CDK13: variants seen among roughly 807,000 people sequenced by gnomAD.
CDK13 encodes the protein cyclin-dependent kinase 13.
In CDK13, 40 loss-of-function variants were observed where a neutral mutation model predicts 137.6. The observed-to-expected ratio is 0.29, with a 90% CI of 0.23 to 0.38. The LOEUF is 0.38. Among genes scored for constraint, CDK13 ranks in the 10% least tolerant of loss-of-function variants. CDK13 has a pLI of 1.00. For synonymous variants in CDK13, 869 were observed against 760.1 expected (o/e 1.14, Z -2.36); for missense variants, 1,704 against 1,951.8 (o/e 0.87, Z 2.39).
chr7:40,003,926 TTC>T (rs548099464), intron 5 of CDK13, among the ~76,000 whole-genome samples: 44 of 152,306 alleles, frequency 2.9e-4, no homozygotes, highest in Middle Eastern at 3.4e-3. Flanking sequence ...TCTTCCCACT[TTC>T]TACTACGTAT....
chr7:39,999,643 T>A, intron 4 of CDK13, 143 bp downstream of exon 4: 2 of 797,686 alleles, frequency 2.5e-6, no homozygotes, highest in Non-Finnish European at 3.9e-6. Flanking sequence ...TTTTTTATTC[T>A]ATATATGCAT....
At chr7:39,999,231 G>T in intron 3 of CDK13, 130 bp from the exon 4 acceptor site, 2 of 650,010 alleles carry the variant, frequency 3.1e-6, no homozygotes, top group South Asian at 2.8e-5. Context: ...TGGGATAGAT[G>T]ATGATAAATA....
chr7:40,070,356 C>A (rs972023642), intron 9 of CDK13: 1 of 138,588 alleles, frequency 7.2e-6, no homozygotes. Context: ...TTGCAGTAAG[C>A]GGAGATTGTG....
At chr7:40,037,916 T>C (rs1287812856) in intron 5 of CDK13, among the ~76,000 whole-genome samples, 1 of 152,240 alleles carries the variant, frequency 6.6e-6, no homozygotes, top group Non-Finnish European at 1.5e-5. Flanking sequence ...TATACTCTAT[T>C]GTAGACAGTT....
At chr7:39,986,303 C>T (rs1312832643) in intron 1 of CDK13, 1 of 152,206 alleles carries the variant, frequency 6.6e-6, no homozygotes, top group Non-Finnish European at 1.5e-5. Flanking sequence ...TTGAAAACCT[C>T]AGCTTCCTTT....
intron 1 of CDK13, among the ~76,000 whole-genome samples, chr7:39,967,983 C>T (rs917290931): frequency 6.6e-6 from 1 of 152,202 alleles, no homozygotes; most frequent in Non-Finnish European, 1.5e-5. Flanking sequence ...TCACCCACTT[C>T]AGCCTCCCAA....
chr7:40,027,157 A>G (rs949607137), intron 5 of CDK13, among the ~76,000 whole-genome samples: 1 of 152,146 alleles, frequency 6.6e-6, no homozygotes, highest in African/African-American at 2.4e-5. Context: ...CAGCCTGGCC[A>G]CCATGGTGAA....
At chr7:39,969,748 A>G (rs1329066212) in intron 1 of CDK13, among the ~76,000 whole-genome samples, 2 of 151,884 alleles carry the variant, frequency 1.3e-5, no homozygotes, top group African/African-American at 4.8e-5. Flanking sequence ...TTTATTTGCA[A>G]TTCCCTAATG....
chr7:40,093,279 A>G, intron 13 of CDK13, 42 bp downstream of exon 13: 1 of 1,458,298 alleles, frequency 6.9e-7, no homozygotes, highest in Non-Finnish European at 9.5e-7. Flanking sequence ...GCTGCATTAC[A>G]TTGTCTACTC....
At chr7:39,983,319 C>T (rs1784268768) in intron 1 of CDK13, among the ~76,000 whole-genome samples, 1 of 152,112 alleles carries the variant, frequency 6.6e-6, no homozygotes, top group Non-Finnish European at 1.5e-5. Flanking sequence ...GATGGGGTTT[C>T]ACCATGTTAG....
chr7:40,031,842 T>C (rs1049222125), intron 5 of CDK13, among the ~76,000 whole-genome samples: 4 of 146,912 alleles, frequency 2.7e-5, no homozygotes, highest in Admixed American at 2.1e-4. Context: ...TTATTATTAT[T>C]ATTATTATTA....
At chr7:40,050,044 A>G (rs1349868561) in intron 7 of CDK13, among the ~76,000 whole-genome samples, 2 of 151,792 alleles carry the variant, frequency 1.3e-5, no homozygotes, top group African/African-American at 2.4e-5. Flanking sequence ...CAGTGGTGCA[A>G]TCTCAGCTCA....
intron 1 of CDK13, chr7:39,985,246 T>C (rs1583946474): frequency 6.6e-6 from 1 of 152,194 alleles, no homozygotes; most frequent in African/African-American, 2.4e-5. Context: ...GCCTCACTTA[T>C]TTTACGTAAC....
chr7:40,017,677 C>G lies in CDK13; in HGVS notation c.2353+15646C>G, dbSNP rs1033174830. 6.0e-5 allele frequency among the ~76,000 whole-genome samples: 9 copies of G among 151,256 alleles called. 1 individual carries two copies. In the South Asian group the frequency reaches 1.9e-3, roughly 32 times the overall value. On this transcript the variant is annotated intron_variant, in intron 5 of 13. Transcript: ENST00000181839. The stretch of plus-strand genomic sequence containing the variant: ...TAATTTTCCCATTTATATTGCTTGC[C>G]CTTTGTTTTTCTTTGTTATTTTAAA...
Position 40,045,946 on chromosome 7 carries a change from A to G in CDK13, c.2464A>G (p.Met822Val). ...NHIKSFMRQL[M>V]EGLDYCHKKN... ...CATAAAGTCATTTATGAGACAGCTCATGGAGGGTCTGGATTATTGTCATAA... is the reference window on the plus strand; with the variant it reads ...CATAAAGTCATTTATGAGACAGCTCGTGGAGGGTCTGGATTATTGTCATAA... The change falls in exon 6 of 14, where the codon ATG (methionine) becomes GTG (valine). Residue 822 changes from methionine to valine, a missense_variant. Transcript: ENST00000181839. The G allele has an allele frequency of 6.2e-7, 1 of 1,610,988 alleles. No individual in the cohort carries two copies. The highest frequency in any genetic ancestry group is 1.1e-5 in the South Asian group (1 of 91,016).
chr7:40,005,051 A>G (rs1424691777), intron 5 of CDK13, among the ~76,000 whole-genome samples: 2 of 151,902 alleles, frequency 1.3e-5, no homozygotes, highest in African/African-American at 4.8e-5. Flanking sequence ...GTGCATGCCT[A>G]TAGTCCCAGC....
intron 12 of CDK13, among the ~76,000 whole-genome samples, chr7:40,091,679 C>CTG (rs1449686431): frequency 6.6e-6 from 1 of 152,108 alleles, no homozygotes; most frequent in Non-Finnish European, 1.5e-5. Context: ...GAGAGACTAC[C>CTG]TGTGGTAATA....
At position 40,094,927 on chromosome 7, in the gene CDK13, G is replaced by A. The variant is rs1409545602; in HGVS notation, c.4486G>A (p.Gly1496Arg). The change falls in exon 14 of 14, where the codon GGA becomes AGA. Residue 1496 changes from glycine to arginine, a missense_variant. Gly to Arg is a moderately radical substitution (Grantham distance 125). Transcript: ENST00000181839. ...QGPGYSQGYR[G>R]HISTSTGRGR... ...ACCTGGATATTCACAAGGATACAGG[G>A]GACATATTAGCACATCAACTGGCAG... 4 of 1,479,808 alleles carry A rather than the reference G, an allele frequency of 2.7e-6. No individual in the cohort carries two copies. The African/African-American group carries it at 4.2e-5, about 16-fold the overall frequency. The allele number at this position is 1,479,808 out of a possible 1,614,324, so 91.7% of individuals were successfully genotyped here.
chr7:40,070,066 C>CAAAAAAAAAA (rs70996878), intron 9 of CDK13: 2 of 44,768 alleles, frequency 4.5e-5, no homozygotes, highest in Non-Finnish European at 7.5e-5. Flanking sequence ...ACCAAAACTA[C>CAAAAAAAAAA]AAAAAAAAAA....
Sources: gnomAD v4.1 joint callset for allele counts (sites outside exome capture counted in the v4.1 genomes callset) on GRCh38, gnomAD v4.1.1 for gene constraint, MANE v1.5 for transcripts, NCBI Gene and HGNC (gene_info 2026-07-23, HGNC 2026-07-21) for gene names.